The following EYS variants were observed in gnomAD, a reference collection of about 807,000 sequenced individuals.
The protein encoded by EYS is EGF-like photoreceptor maintenance factor, also known as protein eyes shut homolog.
Under a neutral mutation model 282.1 loss-of-function variants are expected in EYS, and 250 were observed. The ratio of observed to expected loss-of-function variants is 0.89; its 90% CI spans 0.80 to 0.98. EYS has a LOEUF of 0.98. EYS is among the 50% of genes least tolerant of loss of function. The probability of loss-of-function intolerance (pLI) is 0.00; values close to 1 mark genes in which losing one functional copy is unlikely to be tolerated. For missense variants in EYS, 4,016 were observed against 3,709.0 expected (o/e 1.08, Z -2.15); for synonymous variants, 1,355 against 1,282.9 (o/e 1.06, Z -1.20).
At chr6:65,407,365 C>G (rs1366460620) in intron 5 of EYS, among the ~76,000 whole-genome samples, 1 of 152,106 alleles carries the variant, frequency 6.6e-6, no homozygotes. Context: ...AAGTGATTCT[C>G]CTGCCTCAAC....
intron 12 of EYS, among the ~76,000 whole-genome samples, chr6:65,060,018 T>C (rs568131632): frequency 6.6e-6 from 1 of 152,010 alleles, no homozygotes; most frequent in Non-Finnish European, 1.5e-5. Context: ...TGATCCCAGC[T>C]TCCCCTTATC....
intron 26 of EYS, among the ~76,000 whole-genome samples, chr6:64,454,711 T>A (rs1413330243): frequency 6.6e-6 from 1 of 152,156 alleles, no homozygotes; most frequent in African/African-American, 2.4e-5. Flanking sequence ...TAGTGCCAAC[T>A]GCATTACTTA....
At chr6:65,142,228 T>C (rs1764363757) in intron 12 of EYS, among the ~76,000 whole-genome samples, 1 of 152,034 alleles carries the variant, frequency 6.6e-6, no homozygotes, top group African/African-American at 2.4e-5. Context: ...CAATCTAATA[T>C]ATTTTATTTC....
intron 41 of EYS, among the ~76,000 whole-genome samples, chr6:63,739,236 AGACTCTGG>A (rs1769011479): frequency 6.6e-6 from 1 of 152,132 alleles, no homozygotes; most frequent in Non-Finnish European, 1.5e-5. Flanking sequence ...TTCTAGAAGC[AGACTCTGG>A]GATGGAACTT....
chr6:64,165,469 ATTTAC>A (rs905874894), intron 31 of EYS, among the ~76,000 whole-genome samples: 7 of 152,250 alleles, frequency 4.6e-5, no homozygotes, highest in Non-Finnish European at 8.8e-5. Flanking sequence ...AAGTCTTCAT[ATTTAC>A]TTTGATATGA....
intron 12 of EYS, among the ~76,000 whole-genome samples, chr6:65,178,874 G>A (rs1256567211): frequency 1.3e-5 from 2 of 152,054 alleles, no homozygotes; most frequent in East Asian, 3.9e-4. Flanking sequence ...TCAGACCACA[G>A]TGCAATCAAA....
At chr6:64,935,017 A>C (rs990365548) in intron 15 of EYS, among the ~76,000 whole-genome samples, 19 of 151,968 alleles carry the variant, frequency 1.3e-4, no homozygotes, top group African/African-American at 4.6e-4. Flanking sequence ...GAGTAAAAAA[A>C]GGGGAGCAAT....
At chr6:65,291,359 G>C (rs1415449429) in intron 12 of EYS, among the ~76,000 whole-genome samples, 1 of 151,518 alleles carries the variant, frequency 6.6e-6, no homozygotes, top group Non-Finnish European at 1.5e-5. Flanking sequence ...AAGTGTAAAT[G>C]AGGACAGAGA....
chr6:65,688,198 G>A (rs1388428871), intron 1 of EYS, among the ~76,000 whole-genome samples: 1 of 152,080 alleles, frequency 6.6e-6, no homozygotes, highest in African/African-American at 2.4e-5. Context: ...CAAGGCTACA[G>A]TAACCAAAAC....
chr6:64,573,731 A>G (rs1765795392), intron 26 of EYS, among the ~76,000 whole-genome samples: 1 of 152,216 alleles, frequency 6.6e-6, no homozygotes, highest in Non-Finnish European at 1.5e-5. Flanking sequence ...ATGAGATGCC[A>G]TCTCACGCCA....
intron 22 of EYS, among the ~76,000 whole-genome samples, chr6:64,670,546 T>C (rs1769419209): frequency 6.6e-6 from 1 of 152,208 alleles, no homozygotes; most frequent in South Asian, 2.1e-4. Flanking sequence ...TTCAGTTGTT[T>C]ACACTTCAAA....
chr6:64,301,457 T>C (rs1204823233), intron 30 of EYS, among the ~76,000 whole-genome samples: 1 of 152,162 alleles, frequency 6.6e-6, no homozygotes, highest in Admixed American at 6.5e-5. Context: ...CCTACAGGGT[T>C]AATAGGACAG....
At chr6:65,419,647 T>C (rs890746009) in intron 5 of EYS, among the ~76,000 whole-genome samples, 1 of 152,008 alleles carries the variant, frequency 6.6e-6, no homozygotes, top group Non-Finnish European at 1.5e-5. Context: ...TTCATTTTAA[T>C]AATATGTAAT....
chr6:64,521,669 G>T (rs886997409), intron 26 of EYS, among the ~76,000 whole-genome samples: 1 of 151,760 alleles, frequency 6.6e-6, no homozygotes, highest in Non-Finnish European at 1.5e-5. Context: ...GGGTGACAAT[G>T]ATTCCAAGTT....
rs546563710 is a variant in EYS, at chr6:65,480,080, G to T, written c.862+10514C>A. ...CTTGGGAGGCTGAGGCAGGAGAATC[G>T]CTTGAACCCAGGAGGCACAGGTTGC... On this transcript the variant is annotated intron_variant, in intron 5 of 42. Transcript: ENST00000503581. Among the ~76,000 whole-genome samples, 6 of 151,924 alleles carry T rather than the reference G, an allele frequency of 3.9e-5. No individual in the cohort carries two copies. In the East Asian group the frequency reaches 1.2e-3, roughly 29 times the overall value.
Position 65,343,646 on chromosome 6 carries a change from G to A in EYS, c.1599+392C>T, listed in dbSNP as rs148307119. On this transcript the variant is annotated intron_variant, in intron 10 of 42. Transcript: ENST00000503581. ...ATTTTATTTTTTAAGTAGCTTGCTC[G>A]TGTAAGAGATTAGAAATCTCTCAGA... 1.4e-4 allele frequency among the ~76,000 whole-genome samples: 21 copies of A among 150,916 alleles called. 1 individual carries two copies. The highest frequency in any genetic ancestry group is 3.6e-4 in the African/African-American group (15 of 41,348).
At chr6:64,151,353 A>G (rs1189595361) in intron 31 of EYS, among the ~76,000 whole-genome samples, 3 of 100,028 alleles carry the variant, frequency 3.0e-5, no homozygotes, top group Admixed American at 2.8e-4. Context: ...ATATATATAT[A>G]TATATATATA....
Position 65,495,508 on chromosome 6 carries a change from A to T in EYS, c.-98T>A. On this transcript the variant is annotated 5_prime_UTR_variant, in exon 4 of 43. Transcript: ENST00000503581. ...TTTCCAAGTAAAGTTGTGGTTAAGG[A>T]TTCCTGGGAATTGGAATTGACCTTT... is the stretch of plus-strand genomic sequence containing the variant. 7.6e-7 allele frequency: 1 copy of T among 1,314,612 alleles called. No individual in the cohort carries two copies. The highest frequency in any genetic ancestry group is 1.1e-6 in the Non-Finnish European group (1 of 940,142). 81.4% of individuals were successfully genotyped at this position (1,314,612 alleles called of 1,614,324 possible). A position where few individuals can be genotyped will look rare whatever the true frequency, so the allele number is the denominator to read the frequency against.
chr6:64,911,702 T>G (rs555417655), intron 16 of EYS, among the ~76,000 whole-genome samples: 1 of 152,230 alleles, frequency 6.6e-6, no homozygotes, highest in South Asian at 2.1e-4. Flanking sequence ...ATGACACATC[T>G]AGTTATTCTG....
Sources: gnomAD v4.1 joint callset for allele counts (sites outside exome capture counted in the v4.1 genomes callset) on GRCh38, gnomAD v4.1.1 for gene constraint, MANE v1.5 for transcripts, NCBI Gene and HGNC (gene_info 2026-07-23, HGNC 2026-07-21) for gene names.